The following SCAF11 variants were observed in gnomAD, a reference collection of about 807,000 sequenced individuals.
SCAF11 encodes the protein protein SCAF11.
SCAF11 carries 47 observed loss-of-function variants against 140.5 expected under a neutral mutation model. That is an observed-to-expected ratio of 0.33 (90% CI 0.26 to 0.43). The LOEUF (loss-of-function observed/expected upper bound fraction) is 0.43. Ranked by LOEUF, SCAF11 falls within the 20% of genes least tolerant of loss-of-function variation. The probability of loss-of-function intolerance (pLI) is 1.00; values close to 1 mark genes in which losing one functional copy is unlikely to be tolerated. For missense variants in SCAF11, 1,645 were observed against 1,705.1 expected, an observed-to-expected ratio of 0.96 and a Z score of 0.62; for synonymous variants, 557 against 579.4, an observed-to-expected ratio of 0.96 and a Z score of 0.55.
chr12:45,926,715 T>C lies in SCAF11; in HGVS notation c.2986A>G (p.Thr996Ala). The change falls in exon 11 of 15, where the codon ACA becomes GCA. Residue 996 changes from threonine (T) to alanine (A), a missense_variant. Physicochemically the swap from Thr to Ala is moderately conservative, Grantham distance 58 (BLOSUM62 0). Transcript: ENST00000369367. ...KNDPEKQNEN[T>A]RKEKNDIHLD... Reference sequence around the variant, plus strand: ...TGGATGTCATTTTTTTCTTTTCTTGTATTTTCATTCTGTTTCTCTGGGTCA... The same window carrying C: ...TGGATGTCATTTTTTTCTTTTCTTGCATTTTCATTCTGTTTCTCTGGGTCA... 6.2e-7 allele frequency: 1 copy of C among 1,613,282 alleles called. No homozygotes were observed. The highest frequency in any genetic ancestry group is 8.5e-7 in the Non-Finnish European group (1 of 1,179,896).
chr12:45,936,034 C>T (rs1220329723), intron 6 of SCAF11, among the ~76,000 whole-genome samples: 3 of 152,068 alleles, frequency 2.0e-5, no homozygotes, highest in African/African-American at 7.2e-5. Context: ...ATGGAAATAC[C>T]CACTCTTGAT....
chr12:45,980,063 C>T (rs1946316834), intron 1 of SCAF11, among the ~76,000 whole-genome samples: 1 of 152,064 alleles, frequency 6.6e-6, no homozygotes, highest in African/African-American at 2.4e-5. Context: ...TCTCATTTAA[C>T]TTTTATAGAA....
At chr12:45,963,457 GA>G (rs146384068) in intron 2 of SCAF11, among the ~76,000 whole-genome samples, 5,007 of 150,476 alleles carry the variant, frequency 0.033, 275 homozygotes, top group African/African-American at 0.12. Context: ...AGTGCTAAGA[GA>G]AAAAAAAACT....
Position 45,923,106 on chromosome 12 carries a change from A to C in SCAF11, c.3955T>G (p.Leu1319Val). 3 of 1,614,194 alleles carry C rather than the reference A, an allele frequency of 1.9e-6. No homozygotes were observed. Among genetic ancestry groups the C allele is most frequent in the South Asian group, 2.2e-5 (2 of 91,082 alleles). ...HVSNNMSTPV[L>V]PAPTAAPGNT... ...CCTGGGGCTGCTGTCGGAGCAGGCA[A>C]AACTGGTGTACTCATGTTATTACTT... Residue 1319 changes from leucine to valine, a missense_variant, in exon 13 of 15, where the codon TTG (leucine) becomes GTG (valine). Physicochemically the swap from Leu to Val is conservative, Grantham distance 32. Transcript: ENST00000369367.
upstream of SCAF11, chr12:45,991,940 C>G (rs1224859078): frequency 2.3e-6 from 3 of 1,288,738 alleles, no homozygotes; most frequent in African/African-American, 1.5e-5. Context: ...CGCCTGCCCC[C>G]GTTCTGTTCG....
intron 1 of SCAF11, among the ~76,000 whole-genome samples, chr12:45,981,889 GATT>G (rs533977853): frequency 8.1e-4 from 123 of 152,206 alleles, no homozygotes; most frequent in African/African-American, 2.8e-3. Flanking sequence ...AATTAAAAGA[GATT>G]ATCAAACTGG....
intron 3 of SCAF11, chr12:45,956,008 T>C (rs914196379): frequency 1.0e-5 from 7 of 676,052 alleles, no homozygotes; most frequent in Admixed American, 6.7e-5. Context: ...ATCTTCCTAA[T>C]GATTTCAGTA....
chr12:45,990,695 A>T, upstream of SCAF11: 2 of 794,708 alleles, frequency 2.5e-6, no homozygotes, highest in Non-Finnish European at 3.4e-6. Context: ...GACTCGCCAC[A>T]TTCTGCTTAC....
At chr12:45,988,424 TAAC>T (rs1946511749) in intron 1 of SCAF11, among the ~76,000 whole-genome samples, 1 of 152,192 alleles carries the variant, frequency 6.6e-6, no homozygotes, top group Non-Finnish European at 1.5e-5. Flanking sequence ...CAGTATCATG[TAAC>T]TGCACTGATT....
chr12:45,933,629 T>C (rs973475045), intron 8 of SCAF11, among the ~76,000 whole-genome samples: 1 of 152,100 alleles, frequency 6.6e-6, no homozygotes, highest in Non-Finnish European at 1.5e-5. Flanking sequence ...CAACCAAAAA[T>C]GGGTATAGTT....
chr12:45,975,842 G>A lies in SCAF11; in HGVS notation c.-21-11654C>T, dbSNP rs138790986. On this transcript the variant is annotated intron_variant, in intron 1 of 14. Coordinates refer to ENST00000369367, the MANE Select transcript of SCAF11 (RefSeq NM_004719.3). ...CATAAGTTACCTGTCTTATATGGGCGCTCTTCGTGGTGCCCCAAAATAATT... is the reference window on the plus strand; with the variant it reads ...CATAAGTTACCTGTCTTATATGGGCACTCTTCGTGGTGCCCCAAAATAATT... 10 of 152,160 alleles carry A rather than the reference G, an allele frequency of 6.6e-5. No homozygotes were observed. The East Asian group carries it at 9.7e-4, about 15-fold the overall frequency. 9.4% of individuals were successfully genotyped at this position (152,160 alleles called of 1,614,324 possible). A position where few individuals can be genotyped will look rare whatever the true frequency, so the allele number is the denominator to read the frequency against.
chr12:45,963,969 T>C (rs745805554), intron 2 of SCAF11, 138 bp downstream of exon 2: 7 of 587,256 alleles, frequency 1.2e-5, no homozygotes, highest in East Asian at 6.3e-5. Context: ...AAAATGTGTA[T>C]ACTTAGGCAG....
chr12:45,945,470 A>T (rs1209542863), intron 5 of SCAF11, among the ~76,000 whole-genome samples, 157 bp from the exon 6 acceptor site: 1 of 152,096 alleles, frequency 6.6e-6, no homozygotes, highest in East Asian at 1.9e-4. Context: ...ATATTCTCAC[A>T]GACTCCTATG....
intron 1 of SCAF11, among the ~76,000 whole-genome samples, chr12:45,989,461 T>C (rs1946538867): frequency 6.6e-6 from 1 of 152,242 alleles, no homozygotes; most frequent in African/African-American, 2.4e-5. Flanking sequence ...CTGTATGTAA[T>C]ACAATACGGA....
chr12:45,951,104 A>G (rs1945538931), intron 4 of SCAF11, among the ~76,000 whole-genome samples: 1 of 152,148 alleles, frequency 6.6e-6, no homozygotes, highest in Admixed American at 6.5e-5. Flanking sequence ...CATGGCTCAC[A>G]ACAGTAAGTA....
At chr12:45,982,134 C>T (rs1000356162) in intron 1 of SCAF11, among the ~76,000 whole-genome samples, 1 of 152,084 alleles carries the variant, frequency 6.6e-6, no homozygotes, top group African/African-American at 2.4e-5. Flanking sequence ...AGTTTTGAAA[C>T]AATGAAGCTA....
chr12:45,952,422 C>A (rs910845864), intron 3 of SCAF11, among the ~76,000 whole-genome samples: 2 of 152,172 alleles, frequency 1.3e-5, no homozygotes, highest in Admixed American at 1.3e-4. Flanking sequence ...AGGTTGAGCA[C>A]ATTTTCCTAT....
chr12:45,924,519 TG>T (rs1357235971), intron 12 of SCAF11, among the ~76,000 whole-genome samples: 1 of 152,200 alleles, frequency 6.6e-6, no homozygotes, highest in African/African-American at 2.4e-5. Context: ...AGCTTGGATT[TG>T]GTAATAAGTA....
intron 1 of SCAF11, among the ~76,000 whole-genome samples, chr12:45,983,742 AAC>A (rs55655357): frequency 0.05 from 6,664 of 133,924 alleles, 435 homozygotes; most frequent in African/African-American, 0.16. Context: ...CTAAACCTAA[AAC>A]ACACACACAC....
Sources: gnomAD v4.1 joint callset for allele counts (sites outside exome capture counted in the v4.1 genomes callset) on GRCh38, gnomAD v4.1.1 for gene constraint, MANE v1.5 for transcripts, NCBI Gene and HGNC (gene_info 2026-07-23, HGNC 2026-07-21) for gene names.